Variants in BRF1 observed in about 807,000 individuals in gnomAD.
BRF1 encodes the protein BRF1 general transcription factor IIIB subunit, also known as transcription factor IIIB 90 kDa subunit.
In BRF1, 59 loss-of-function variants were observed where a neutral mutation model predicts 81.7. That is an observed-to-expected ratio of 0.72 (90% CI 0.59 to 0.90). The LOEUF (loss-of-function observed/expected upper bound fraction) is 0.90. Ranked by LOEUF, BRF1 falls within the 40% of genes least tolerant of loss-of-function variation. The pLI is 0.00. For synonymous variants in BRF1, 491 were observed against 395.6 expected, an observed-to-expected ratio of 1.24 and a Z score of -2.86; for missense variants, 1,050 against 936.3, an observed-to-expected ratio of 1.12 and a Z score of -1.58.
intron 16 of BRF1, 28 bp downstream of exon 16, chr14:105,212,085 C>T (rs1890209106): frequency 1.2e-6 from 2 of 1,610,484 alleles, no homozygotes; most frequent in South Asian, 1.1e-5. Context: ...CCAAGGTCTC[C>T]CTGCCCTGGC....
At position 105,309,069 on chromosome 14, in the gene BRF1, C is replaced by T. The variant is rs745785720; in HGVS notation, c.-162+6253G>A. ...AGCACTGAGGTTGAGTGTTGGTTGA[C>T]ACGTGTTGCGGTAATTGCTGTTCTG... is the stretch of plus-strand genomic sequence containing the variant. On this transcript the variant is annotated intron_variant, in intron 1 of 17. Transcript: ENST00000327359. This position sits in a 1 kb window ranked among gnomAD's most constrained non-coding sequence, Gnocchi z 4.0. Among the ~76,000 whole-genome samples the T allele has an allele frequency of 6.6e-6, 1 of 152,174 alleles. No individual in the cohort carries two copies. Among genetic ancestry groups the T allele is most frequent in the South Asian group, 2.1e-4 (1 of 4,830 alleles).
chr14:105,267,492 TG>T (rs1431821722), intron 3 of BRF1, among the ~76,000 whole-genome samples: 1 of 152,002 alleles, frequency 6.6e-6, no homozygotes, highest in Non-Finnish European at 1.5e-5. Flanking sequence ...CTTTTTCTTT[TG>T]TAGAGACGGG....
In BRF1 at chr14:105,221,320, A is replaced by AT. The variant is rs587691147; in HGVS notation, c.1315+327dup. ...TCCCCCGACCATGTTGGACAAGCGG[A>AT]TGAGGGGTGGAGCTGCCCCATGGGA... On this transcript the variant is annotated intron_variant, in intron 11 of 17. Transcript: ENST00000547530. 8.5e-5 allele frequency among the ~76,000 whole-genome samples: 13 copies of AT among 152,310 alleles called. No homozygotes were observed. In the East Asian group the frequency reaches 2.5e-3, roughly 29 times the overall value.
chr14:105,300,690 C>T lies in BRF1; in HGVS notation c.-61G>A, dbSNP rs1016260495. 6.6e-6 allele frequency: 8 copies of T among 1,216,992 alleles called. No individual in the cohort carries two copies. Among genetic ancestry groups the T allele is most frequent in the South Asian group, 6.7e-5 (2 of 29,664 alleles). 75.4% of individuals were successfully genotyped at this position (1,216,992 alleles called of 1,614,324 possible). A position where few individuals can be genotyped will look rare whatever the true frequency, so the allele number is the denominator to read the frequency against. On this transcript the variant is annotated 5_prime_UTR_variant, in exon 1 of 18. Coordinates refer to ENST00000547530, the MANE Select transcript of BRF1 (RefSeq NM_001519.4). Reference sequence around the variant, plus strand: ...AAGACTCTCAAGCCACCCGAGCCTCCGGAGCAGCCCGCGCCGCCCGCCCAG... The same window carrying T: ...AAGACTCTCAAGCCACCCGAGCCTCTGGAGCAGCCCGCGCCGCCCGCCCAG...
chr14:105,310,616 C>T lies in BRF1; in HGVS notation c.-162+4706G>A, dbSNP rs145394696. ...AAAGATCATCCTCAATAGTTTGTTG[C>T]GTTGGGTGAGGGTTCCCTTTGCACG... On this transcript the variant is annotated intron_variant, in intron 1 of 17. Transcript: ENST00000327359. Among the ~76,000 whole-genome samples the T allele has an allele frequency of 9.8e-3, 1,480 of 150,900 alleles. 11 individuals are homozygous for T. Among genetic ancestry groups the T allele is most frequent in the Middle Eastern group, 0.042 (12 of 286 alleles).
chr14:105,226,012 G>A, intron 10 of BRF1, 57 bp downstream of exon 10: 3 of 1,482,122 alleles, frequency 2.0e-6, no homozygotes, highest in Middle Eastern at 2.1e-4. Flanking sequence ...GAAGAGATCT[G>A]CTGAGACTCT....
At position 105,310,170 on chromosome 14, in the gene BRF1, A is replaced by C. The variant is rs72711570; in HGVS notation, c.-162+5152T>G. ...TTGTGAATCTTTTGTAGCTTCTCTA[A>C]CCATTTTCCACTGGGAATTTTTTAG... On this transcript the variant is annotated intron_variant, in intron 1 of 17. Coordinates refer to the BRF1 transcript ENST00000327359. Among the ~76,000 whole-genome samples, 1,364 of 152,090 alleles carry C rather than the reference A, an allele frequency of 9.0e-3. 7 individuals are homozygous for C. Among genetic ancestry groups the C allele is most frequent in the Non-Finnish European group, 0.014 (929 of 67,996 alleles).
intron 2 of BRF1, among the ~76,000 whole-genome samples, chr14:105,280,179 C>T (rs1195736898): frequency 6.6e-6 from 1 of 152,230 alleles, no homozygotes; most frequent in Non-Finnish European, 1.5e-5. Context: ...AACTGTGGCG[C>T]ACCTAGGCGG....
In BRF1 at chr14:105,209,935, T is replaced by G. The variant is rs2141329970; in HGVS notation, c.*616A>C. ...GAGGGGGGTCTGGAGGAGGCAGGGG[T>G]GGGGGTGTCTGCCTCGGACGAGGCA... On this transcript the variant is annotated 3_prime_UTR_variant, in exon 18 of 18. Coordinates refer to ENST00000547530, the MANE Select transcript of BRF1 (RefSeq NM_001519.4). 5.8e-6 allele frequency: 2 copies of G among 345,962 alleles called. No individual in the cohort carries two copies. Among genetic ancestry groups the G allele is most frequent in the Non-Finnish European group, 5.2e-6 (1 of 193,706 alleles). The allele number at this position is 345,962 out of a possible 1,614,324, so 21.4% of individuals were successfully genotyped here.
At chr14:105,221,194 G>A (rs1892224460) in intron 11 of BRF1, among the ~76,000 whole-genome samples, 1 of 152,210 alleles carries the variant, frequency 6.6e-6, no homozygotes, top group Non-Finnish European at 1.5e-5. Flanking sequence ...CCAGCCAAAT[G>A]GGCAAGGTGA....
intron 14 of BRF1, among the ~76,000 whole-genome samples, chr14:105,218,489 A>T (rs1891698094): frequency 6.6e-6 from 1 of 152,168 alleles, no homozygotes; most frequent in Admixed American, 6.5e-5. Context: ...GAGGGACCCC[A>T]GTCTCGCAGG....
intron 1 of BRF1, among the ~76,000 whole-genome samples, chr14:105,291,556 C>T (rs2140507552): frequency 6.6e-6 from 1 of 151,082 alleles, no homozygotes; most frequent in Admixed American, 6.6e-5. Flanking sequence ...GTGGTGTGCT[C>T]CTGTAGTCCC....
At position 105,295,365 on chromosome 14, in the gene BRF1, A is replaced by G. The variant is rs1422343273; in HGVS notation, c.184+5081T>C. On this transcript the variant is annotated intron_variant, in intron 1 of 17. Transcript: ENST00000547530. ...TCACACCTGTCATCCTAGAACTTTG[A>G]GAGGCCAAGACGGGAGAATTACTTG... Among the ~76,000 whole-genome samples, 5 of 151,182 alleles carry G rather than the reference A, an allele frequency of 3.3e-5. No homozygotes were observed. In the East Asian group the frequency reaches 9.7e-4, roughly 29 times the overall value.
At chr14:105,275,972 G>A (rs2056866052) in intron 2 of BRF1, among the ~76,000 whole-genome samples, 1 of 139,984 alleles carries the variant, frequency 7.1e-6, no homozygotes, top group African/African-American at 2.8e-5. Context: ...AGAAGGAGCT[G>A]AGAGGGGGCC....
chr14:105,298,503 C>G (rs2140559715), intron 1 of BRF1, among the ~76,000 whole-genome samples: 1 of 152,300 alleles, frequency 6.6e-6, no homozygotes, highest in Middle Eastern at 3.4e-3. Flanking sequence ...ACAAGGGGAC[C>G]TCCAGATAAA....
At chr14:105,220,040 C>A (rs745674587) in intron 12 of BRF1, 29 bp downstream of exon 12, 5 of 1,609,464 alleles carry the variant, frequency 3.1e-6, no homozygotes, top group Non-Finnish European at 3.4e-6. Flanking sequence ...CAAGCCCAGC[C>A]CCTCTTGGGA....
At chr14:105,307,323 C>G (rs1004036041) in intron 1 of BRF1, among the ~76,000 whole-genome samples, 4 of 152,178 alleles carry the variant, frequency 2.6e-5, no homozygotes, top group Non-Finnish European at 4.4e-5. Context: ...AGGCCAGGTA[C>G]CAGCTAGCTA....
chr14:105,282,359 G>A (rs2057141602), intron 2 of BRF1, among the ~76,000 whole-genome samples: 1 of 152,210 alleles, frequency 6.6e-6, no homozygotes, highest in Non-Finnish European at 1.5e-5. Flanking sequence ...AGGAAGGGTG[G>A]CCCGTGAGTT....
At chr14:105,229,076 A>C (rs1313277340) in intron 6 of BRF1, among the ~76,000 whole-genome samples, 163 bp from the exon 7 acceptor site, 1 of 152,190 alleles carries the variant, frequency 6.6e-6, no homozygotes, top group South Asian at 2.1e-4. Flanking sequence ...CTACTCCTGA[A>C]CGACATGACC....
Sources: gnomAD v4.1 joint callset for allele counts (sites outside exome capture counted in the v4.1 genomes callset) on GRCh38, gnomAD v4.1.1 for gene constraint, Gnocchi (gnomAD v3.1) non-coding constraint, MANE v1.5 for transcripts, NCBI Gene and HGNC (gene_info 2026-07-23, HGNC 2026-07-21) for gene names.